The following KLHL5 variants were observed in gnomAD, a reference collection of about 807,000 sequenced individuals.
KLHL5 encodes the protein kelch like family member 5.
Under a neutral mutation model 77.7 loss-of-function variants are expected in KLHL5, and 48 were observed. The ratio of observed to expected loss-of-function variants is 0.62; its 90% CI spans 0.49 to 0.79. The LOEUF (loss-of-function observed/expected upper bound fraction) is 0.79, where lower values mean the gene tolerates loss of function less well. Ranked by LOEUF, KLHL5 falls within the 30% of genes least tolerant of loss-of-function variation. The pLI is 0.00. For missense variants in KLHL5, 723 were observed against 859.7 expected, an observed-to-expected ratio of 0.84 and a Z score of 1.99; for synonymous variants, 260 against 297.0, an observed-to-expected ratio of 0.88 and a Z score of 1.28.
intron 6 of KLHL5, among the ~76,000 whole-genome samples, chr4:39,099,553 A>G (rs1249860250): frequency 1.3e-5 from 2 of 152,110 alleles, no homozygotes; most frequent in African/African-American, 4.8e-5. Context: ...TCATTCATCT[A>G]ACAGGCCAAA....
intron 7 of KLHL5, among the ~76,000 whole-genome samples, chr4:39,105,799 G>T (rs1417176219): frequency 2.6e-5 from 4 of 151,358 alleles, no homozygotes; most frequent in Non-Finnish European, 5.9e-5. Context: ...GCTAGTACTG[G>T]TGGGGCACAA....
chr4:39,126,592 G>A (rs78951141), downstream of KLHL5: 1,570 of 376,016 alleles, frequency 4.2e-3, 19 homozygotes, highest in African/African-American at 0.03. Flanking sequence ...ACCCAGGGAA[G>A]CTCGGGAAGC....
At chr4:39,076,224 T>G in intron 2 of KLHL5, 77 bp downstream of exon 2, 2 of 1,244,684 alleles carry the variant, frequency 1.6e-6, no homozygotes, top group South Asian at 2.7e-5. Context: ...GTAACCTACT[T>G]CAATTGACTA....
the KLHL5 span, among the ~76,000 whole-genome samples, chr4:39,140,614 G>C: frequency 6.6e-6 from 1 of 152,114 alleles, no homozygotes; most frequent in Non-Finnish European, 1.5e-5. Flanking sequence ...CCACATCCTA[G>C]GCTTCCTCCT....
the KLHL5 span, among the ~76,000 whole-genome samples, chr4:39,137,935 C>A: frequency 2.2e-4 from 33 of 152,138 alleles, no homozygotes; most frequent in African/African-American, 8.0e-4. Flanking sequence ...CAAGAGAAGA[C>A]ATACATGCAC....
chr4:39,083,175 G>A (rs1308625132), intron 4 of KLHL5, among the ~76,000 whole-genome samples: 2 of 152,128 alleles, frequency 1.3e-5, no homozygotes, highest in African/African-American at 2.4e-5. Context: ...GAGAAATAGA[G>A]ATTTGGAAAA....
chr4:39,112,781 C>A, intron 8 of KLHL5: 1 of 450,424 alleles, frequency 2.2e-6, no homozygotes, highest in Non-Finnish European at 4.0e-6. Flanking sequence ...AGTGATGAAA[C>A]AGTTGTCACT....
rs1164429767 is a variant in KLHL5 at position 39,125,654 on chromosome 4, T to C, written c.*4588T>C. Among the ~76,000 whole-genome samples, 2 of 152,138 alleles carry C rather than the reference T, an allele frequency of 1.3e-5. No homozygotes were observed. The highest frequency in any genetic ancestry group is 1.5e-5 in the Non-Finnish European group (1 of 68,018). On this transcript the variant is annotated 3_prime_UTR_variant, in exon 11 of 11. Transcript: ENST00000504108. ...GAAATATCCAAAATAGGCAAATCCA[T>C]GGAGACAGAAAGCAGATAAATGGTT...
intron 6 of KLHL5, 65 bp from the exon 7 acceptor site, chr4:39,103,220 TAA>T: frequency 1.1e-6 from 1 of 897,954 alleles, no homozygotes; most frequent in Admixed American, 3.1e-5. Flanking sequence ...TTTGTATCTG[TAA>T]TTTCATAAAA....
rs939041863 is a variant in KLHL5 at position 39,065,545 on chromosome 4, T to C, written c.383+2510T>C. Among the ~76,000 whole-genome samples, 11 of 151,904 alleles carry C rather than the reference T, an allele frequency of 7.2e-5. No individual in the cohort carries two copies. In the South Asian group the frequency reaches 8.3e-4, roughly 11 times the overall value. On this transcript the variant is annotated intron_variant, in intron 1 of 10. Coordinates refer to ENST00000504108, the MANE Select transcript of KLHL5 (RefSeq NM_015990.5). ...ATTTTTGTATTTTTAGTAGAGATGC[T>C]GTTTCACCATGTTGGCCAGGCTGGT...
At chr4:39,094,326 A>T (rs1257870307) in intron 5 of KLHL5, among the ~76,000 whole-genome samples, 2 of 151,870 alleles carry the variant, frequency 1.3e-5, no homozygotes, top group Non-Finnish European at 2.9e-5. Context: ...ATATATAATC[A>T]AGAAAGGTAT....
rs71643268 is a variant in KLHL5, at chr4:39,124,802, C to CAAAAAAAAAAAAAA, written c.*3747_*3760dup. On this transcript the variant is annotated 3_prime_UTR_variant, in exon 11 of 11. Transcript: ENST00000504108. ...GCACCAAAAGCACAAGCAACAACAG[C>CAAAAAAAAAAAAAA]AAAAAAAAAAAAAAAAAAAAAAAAT... Among the ~76,000 whole-genome samples, 87 of 44,082 alleles carry CAAAAAAAAAAAAAA rather than the reference C, an allele frequency of 2.0e-3. 1 individual carries two copies. The highest frequency in any genetic ancestry group is 3.1e-3 in the East Asian group (4 of 1,290). 28.9% of individuals were successfully genotyped at this position (44,082 alleles called of 152,430 possible).
At chr4:39,115,709 G>T in intron 10 of KLHL5, 4 of 1,178,220 alleles carry the variant, frequency 3.4e-6, no homozygotes, top group Non-Finnish European at 3.1e-6. Context: ...TGAGCAGTCG[G>T]ATTTTTAAAT....
chr4:39,048,184 G>A (rs886196176), intron 1 of KLHL5, among the ~76,000 whole-genome samples: 2 of 152,200 alleles, frequency 1.3e-5, no homozygotes, highest in Non-Finnish European at 2.9e-5. Flanking sequence ...AATGTATTTG[G>A]TTCCAGAGTT....
chr4:39,112,110 G>T (rs1241335034), intron 8 of KLHL5, among the ~76,000 whole-genome samples: 1 of 152,120 alleles, frequency 6.6e-6, no homozygotes, highest in Non-Finnish European at 1.5e-5. Context: ...CAAATGAATA[G>T]TAAGTACAAG....
At chr4:39,089,098 G>A (rs1720298876) in intron 5 of KLHL5, among the ~76,000 whole-genome samples, 1 of 152,152 alleles carries the variant, frequency 6.6e-6, no homozygotes, top group African/African-American at 2.4e-5. Flanking sequence ...TGGATCTGAG[G>A]GGTCAAAGCC....
At chr4:39,071,360 C>G (rs1184481971) in intron 1 of KLHL5, among the ~76,000 whole-genome samples, 1 of 152,092 alleles carries the variant, frequency 6.6e-6, no homozygotes, top group Non-Finnish European at 1.5e-5. Context: ...TTTTTTCCTA[C>G]TCATAGACAG....
chr4:39,114,667 TG>T (rs1722707646), intron 9 of KLHL5, among the ~76,000 whole-genome samples: 1 of 152,230 alleles, frequency 6.6e-6, no homozygotes, highest in African/African-American at 2.4e-5. Context: ...ATTATGGGCT[TG>T]CTGTTGTACT....
intron 5 of KLHL5, among the ~76,000 whole-genome samples, chr4:39,092,585 C>T (rs905334910): frequency 2.0e-5 from 3 of 152,018 alleles, no homozygotes; most frequent in African/African-American, 7.3e-5. Context: ...CTAGGTTTTG[C>T]GTGCATAGAA....
Sources: allele counts gnomAD v4.1 joint callset (sites outside exome capture counted in the v4.1 genomes callset), GRCh38; gene constraint gnomAD v4.1.1; transcripts MANE v1.5; gene names NCBI Gene and HGNC (gene_info 2026-07-23, HGNC 2026-07-21).